NDEL1: variants seen among roughly 807,000 people sequenced by gnomAD.
NDEL1 encodes nuclear distribution protein nudE-like 1.
A neutral mutation model predicts 45.7 loss-of-function variants in NDEL1; 9 were observed. The observed-to-expected ratio is 0.20, with a 90% confidence interval of 0.12 to 0.34. NDEL1 has a LOEUF of 0.34. NDEL1 is among the 10% of genes least tolerant of loss of function. The probability of loss-of-function intolerance (pLI) is 1.00; values close to 1 mark genes in which losing one functional copy is unlikely to be tolerated. For synonymous variants in NDEL1, 133 were observed against 158.6 expected, an observed-to-expected ratio of 0.84 and a Z score of 1.21; for missense variants, 306 against 406.2, an observed-to-expected ratio of 0.75 and a Z score of 2.12.
At chr17:8,463,267 T>C in intron 8 of NDEL1, 2 of 1,477,544 alleles carry the variant, frequency 1.4e-6, no homozygotes, top group Non-Finnish European at 9.4e-7. Flanking sequence ...TAGGGCGTGA[T>C]GTGGAAATAG....
intron 4 of NDEL1, among the ~76,000 whole-genome samples, chr17:8,448,136 T>C (rs1910216145): frequency 6.6e-6 from 1 of 152,356 alleles, no homozygotes; most frequent in East Asian, 1.9e-4. Context: ...CCTTTTGATT[T>C]AGTTCTAGGA....
intron 6 of NDEL1, among the ~76,000 whole-genome samples, chr17:8,452,677 TTCTTTCTTTC>T (rs1910581080): frequency 6.6e-6 from 1 of 151,474 alleles, no homozygotes; most frequent in South Asian, 2.1e-4. Context: ...TTCTCTTTCT[TTCTTTCTTTC>T]TCTTTCTTTC....
intron 1 of NDEL1, among the ~76,000 whole-genome samples, chr17:8,422,559 T>C (rs1180014197): frequency 1.3e-5 from 2 of 152,116 alleles, no homozygotes; most frequent in Non-Finnish European, 2.9e-5. Flanking sequence ...GGAAGGGGCA[T>C]TTCTACTGTG....
chr17:8,459,388 AT>A (rs1301002010), intron 7 of NDEL1, among the ~76,000 whole-genome samples: 2 of 152,184 alleles, frequency 1.3e-5, no homozygotes, highest in African/African-American at 4.8e-5. Flanking sequence ...AGGGTGCCCA[AT>A]TTAGAGGTAA....
At chr17:8,429,887 G>A (rs764819063) in intron 1 of NDEL1, among the ~76,000 whole-genome samples, 1 of 152,126 alleles carries the variant, frequency 6.6e-6, no homozygotes, top group Non-Finnish European at 1.5e-5. Context: ...GAAGAAATTC[G>A]AGGGAGAGAA....
Position 8,454,933 on chromosome 17 carries a change from T to C in NDEL1, c.792+46T>C, listed in dbSNP as rs375820580. 8.2e-6 allele frequency: 12 copies of C among 1,462,632 alleles called. No individual in the cohort carries two copies. In the African/African-American group the frequency reaches 1.4e-4, roughly 17 times the overall value. 90.6% of individuals were successfully genotyped at this position (1,462,632 alleles called of 1,614,324 possible). A position where few individuals can be genotyped will look rare whatever the true frequency, so the allele number is the denominator to read the frequency against. On this transcript the variant is annotated intron_variant, in intron 7 of 8. Coordinates refer to ENST00000334527, the MANE Select transcript of NDEL1 (RefSeq NM_030808.5). ...ACTAGGTGTTTCCACTGACAAGGTA[T>C]TGAATTATTTCTTAATTTGAAGTGA...
chr17:8,474,245 T>C (rs928127839), intron 3 of NDEL1: 1 of 152,678 alleles, frequency 6.5e-6, no homozygotes, highest in African/African-American at 2.4e-5. Flanking sequence ...TGAGGTCTCT[T>C]TATTCTCCAC....
intron 1 of NDEL1, among the ~76,000 whole-genome samples, chr17:8,428,877 G>T (rs922354159): frequency 1.3e-5 from 2 of 150,774 alleles, no homozygotes; most frequent in African/African-American, 2.4e-5. Flanking sequence ...GTTTCACCGT[G>T]TTAGCCAAGA....
chr17:8,454,911 A>G, intron 7 of NDEL1, 24 bp downstream of exon 7: 1 of 1,552,698 alleles, frequency 6.4e-7, no homozygotes, highest in South Asian at 1.1e-5. Flanking sequence ...ATTTATCACT[A>G]GGTGTTTCCA....
upstream of NDEL1, among the ~76,000 whole-genome samples, chr17:8,435,164 G>C (rs1423551428): frequency 6.6e-6 from 1 of 152,080 alleles, no homozygotes; most frequent in African/African-American, 2.4e-5. Context: ...GGGACCTGGA[G>C]GGGAGAAAGT....
intron 1 of NDEL1, among the ~76,000 whole-genome samples, chr17:8,423,898 T>A (rs936238225): frequency 3.9e-5 from 6 of 152,186 alleles, no homozygotes; most frequent in Admixed American, 1.3e-4. Flanking sequence ...GGCTGCCTTT[T>A]AAAAAAATTT....
upstream of NDEL1, chr17:8,431,250 C>A (rs1200915768): frequency 6.6e-6 from 1 of 152,440 alleles, no homozygotes; most frequent in Non-Finnish European, 1.5e-5. Context: ...TCATTCATCC[C>A]CTCCCTGTCT....
chr17:8,445,631 C>G lies in NDEL1; in HGVS notation c.87-80C>G, dbSNP rs537953341. 1.7e-5 allele frequency: 25 copies of G among 1,437,346 alleles called. No individual in the cohort carries two copies. In the East Asian group the frequency reaches 6.1e-4, roughly 35 times the overall value. The allele number at this position is 1,437,346 out of a possible 1,614,324, so 89.0% of individuals were successfully genotyped here. ...GCATTAGCATTCAAGCAAAAATTAT[C>G]GAATTGCTCTATAATCACCTCCAAG... On this transcript the variant is annotated intron_variant, in intron 2 of 8. Coordinates refer to ENST00000334527, the MANE Select transcript of NDEL1 (RefSeq NM_030808.5).
chr17:8,457,239 C>T (rs1271339337), intron 7 of NDEL1, among the ~76,000 whole-genome samples: 1 of 152,220 alleles, frequency 6.6e-6, no homozygotes, highest in Non-Finnish European at 1.5e-5. Flanking sequence ...TTGTGGGATG[C>T]CCTGATGGGC....
intron 6 of NDEL1, among the ~76,000 whole-genome samples, chr17:8,452,740 C>CTTTTTTTTTTTTTTTTTTTTTTTTCTTTT: frequency 1.0e-5 from 1 of 95,628 alleles, no homozygotes; most frequent in South Asian, 4.0e-4. Context: ...TTTTTCTTCT[C>CTTTTTTTTTTTTTTTTTTTTTTTTCTTTT]TTTTTTTTTT....
Position 8,467,028 on chromosome 17 carries a change from C to A in NDEL1, c.*5C>A. 1 of 1,613,980 alleles carries A rather than the reference C, an allele frequency of 6.2e-7. No individual in the cohort carries two copies. The highest frequency in any genetic ancestry group is 8.5e-7 in the Non-Finnish European group (1 of 1,179,948). ...ATGCTGCCTCTCAGTGTGTGAGTGC[C>A]TAGCCTCCAGGTGGGGGCTCCTGCC... On this transcript the variant is annotated 3_prime_UTR_variant, in exon 9 of 9. Transcript: ENST00000334527. The surrounding 1 kb of genome is among the most constrained non-coding windows in gnomAD (Gnocchi z 6.3).
downstream of NDEL1, among the ~76,000 whole-genome samples, chr17:8,473,141 G>GACGCT (rs1911923782): frequency 2.0e-5 from 3 of 152,108 alleles, no homozygotes; most frequent in African/African-American, 7.2e-5. Flanking sequence ...CTGAGTAGTT[G>GACGCT]GGAAACTGTG....
chr17:8,459,775 G>A (rs749834745), intron 7 of NDEL1, among the ~76,000 whole-genome samples: 4 of 152,126 alleles, frequency 2.6e-5, no homozygotes, highest in African/African-American at 7.2e-5. Context: ...AAGATTATAT[G>A]TATTTCCTTC....
intron 8 of NDEL1, among the ~76,000 whole-genome samples, chr17:8,464,021 C>G (rs1911416560): frequency 6.6e-6 from 1 of 152,206 alleles, no homozygotes; most frequent in Admixed American, 6.5e-5. Context: ...CTCCAGTGTC[C>G]TGATCCTTGC....
Sources: gnomAD v4.1 joint callset for allele counts (sites outside exome capture counted in the v4.1 genomes callset) on GRCh38, gnomAD v4.1.1 for gene constraint, Gnocchi (gnomAD v3.1) non-coding constraint, MANE v1.5 for transcripts, NCBI Gene and HGNC (gene_info 2026-07-23, HGNC 2026-07-21) for gene names.